CPNE8: variants seen among roughly 807,000 people sequenced by gnomAD.
CPNE8 encodes copine-8.
Under a neutral mutation model 81.5 loss-of-function variants are expected in CPNE8, and 45 were observed. The observed-to-expected ratio is 0.55, with a 90% CI of 0.44 to 0.71. The LOEUF (loss-of-function observed/expected upper bound fraction) is 0.71, where lower values mean the gene tolerates loss of function less well. Among genes scored for constraint, CPNE8 ranks in the 30% least tolerant of loss-of-function variants. The pLI, the probability that CPNE8 is intolerant of heterozygous loss-of-function variation, is 0.00. For synonymous variants in CPNE8, 252 were observed against 226.3 expected (o/e 1.11, Z -1.02); for missense variants, 594 against 672.1 (o/e 0.88, Z 1.28).
At chr12:38,655,894 C>A (rs571996478) in intron 19 of CPNE8, among the ~76,000 whole-genome samples, 1 of 151,250 alleles carries the variant, frequency 6.6e-6, no homozygotes, top group African/African-American at 2.4e-5. Flanking sequence ...AAACTCAGAG[C>A]AGTTTTTAGA....
intron 6 of CPNE8, among the ~76,000 whole-genome samples, chr12:38,799,508 G>A (rs963969159): frequency 6.6e-6 from 1 of 152,076 alleles, no homozygotes; most frequent in Non-Finnish European, 1.5e-5. Context: ...CGAGAACAAA[G>A]ACACAACATA....
intron 3 of CPNE8, among the ~76,000 whole-genome samples, chr12:38,866,031 C>T (rs1943908029): frequency 6.6e-6 from 1 of 152,184 alleles, no homozygotes; most frequent in South Asian, 2.1e-4. Context: ...GTCTGCAGAT[C>T]TCTTTCCAAA....
In CPNE8 at chr12:38,865,785, A is replaced by G. The variant is rs118113386; in HGVS notation, c.186+7219T>C. ...ATATTAAAAATGGGACAGAAAAAAT[A>G]ATTTAAGAGATCAAAATATTCTGGA... On this transcript the variant is annotated intron_variant, in intron 3 of 19. Coordinates refer to ENST00000331366, the MANE Select transcript of CPNE8 (RefSeq NM_153634.3). 4.3e-4 allele frequency among the ~76,000 whole-genome samples: 65 copies of G among 152,310 alleles called. No homozygotes were observed. In the East Asian group the frequency reaches 0.012, roughly 28 times the overall value.
chr12:38,714,104 A>G (rs1045475287), intron 13 of CPNE8, among the ~76,000 whole-genome samples: 1 of 152,152 alleles, frequency 6.6e-6, no homozygotes, highest in African/African-American at 2.4e-5. Flanking sequence ...CAGAAGAACC[A>G]AATTGAAATT....
chr12:38,799,805 G>T (rs376655285), intron 6 of CPNE8, among the ~76,000 whole-genome samples: 1 of 142,248 alleles, frequency 7.0e-6, no homozygotes, highest in Non-Finnish European at 1.6e-5. Flanking sequence ...TGCGCGCACC[G>T]TGCGCGAGCC....
chr12:38,693,576 C>CA lies in CPNE8; in HGVS notation c.1143+80_1143+81insT, dbSNP rs1306032656. On this transcript the variant is annotated intron_variant, in intron 15 of 19. Coordinates refer to ENST00000331366, the MANE Select transcript of CPNE8 (RefSeq NM_153634.3). Reference sequence around the variant, plus strand: ...TCAGTAAAGCTTGCTACTTGACTGACTAAAGAATAAGTACCAAAGCAATAT... The same window carrying CA: ...TCAGTAAAGCTTGCTACTTGACTGACATAAAGAATAAGTACCAAAGCAATAT... 3 of 1,253,790 alleles carry CA rather than the reference C, an allele frequency of 2.4e-6. No homozygotes were observed. In the African/African-American group the frequency reaches 4.5e-5, roughly 19 times the overall value. 77.7% of individuals were successfully genotyped at this position (1,253,790 alleles called of 1,614,324 possible).
At chr12:38,688,584 G>A (rs1252184220) in intron 15 of CPNE8, among the ~76,000 whole-genome samples, 1 of 138,928 alleles carries the variant, frequency 7.2e-6, no homozygotes, top group African/African-American at 2.8e-5. Flanking sequence ...CCAATAAGTG[G>A]ATAAAGAAAA....
chr12:38,884,390 T>C (rs1398677771), intron 1 of CPNE8, among the ~76,000 whole-genome samples: 1 of 152,212 alleles, frequency 6.6e-6, no homozygotes, highest in Non-Finnish European at 1.5e-5. Flanking sequence ...TTCCGTTTTA[T>C]TGCCAAATCA....
chr12:38,740,458 C>T (rs1406131134), intron 10 of CPNE8, among the ~76,000 whole-genome samples: 1 of 152,192 alleles, frequency 6.6e-6, no homozygotes, highest in Non-Finnish European at 1.5e-5. Context: ...GAGAGGGCAT[C>T]CCTGTCTTGT....
intron 2 of CPNE8, 109 bp from the exon 3 acceptor site, chr12:38,873,159 C>T (rs1009472539): frequency 1.8e-5 from 12 of 658,666 alleles, no homozygotes; most frequent in South Asian, 1.4e-4. Flanking sequence ...AAATTAAATG[C>T]CTAATTCCTA....
intron 14 of CPNE8, among the ~76,000 whole-genome samples, chr12:38,699,685 G>C (rs2387984): frequency 6.6e-6 from 1 of 151,220 alleles, no homozygotes; most frequent in Non-Finnish European, 1.5e-5. Flanking sequence ...TATACTCTAC[G>C]AAGCTTTCTA....
At chr12:38,828,675 G>A (rs1943237985) in intron 6 of CPNE8, among the ~76,000 whole-genome samples, 1 of 152,122 alleles carries the variant, frequency 6.6e-6, no homozygotes, top group Admixed American at 6.5e-5. Flanking sequence ...TGAGATTGTG[G>A]TTAACTCTGC....
intron 13 of CPNE8, among the ~76,000 whole-genome samples, chr12:38,711,460 G>A (rs1260106796): frequency 6.8e-6 from 1 of 146,038 alleles, no homozygotes; most frequent in Non-Finnish European, 1.5e-5. Context: ...AGCTTTCCAA[G>A]TGTAGTTCTT....
chr12:38,894,572 T>G (rs1944358902), intron 1 of CPNE8, among the ~76,000 whole-genome samples: 1 of 151,994 alleles, frequency 6.6e-6, no homozygotes, highest in South Asian at 2.1e-4. Context: ...CGTAGGTAAT[T>G]GAGATGGGTT....
intron 3 of CPNE8, among the ~76,000 whole-genome samples, chr12:38,855,418 A>G (rs1943714752): frequency 6.6e-6 from 1 of 152,118 alleles, no homozygotes; most frequent in Admixed American, 6.6e-5. Context: ...TAGCCAAAGT[A>G]ACCTTGACAA....
At chr12:38,880,544 C>G (rs562729717) in intron 1 of CPNE8, among the ~76,000 whole-genome samples, 1 of 152,244 alleles carries the variant, frequency 6.6e-6, no homozygotes, top group African/African-American at 2.4e-5. Flanking sequence ...CATCACTGAG[C>G]CCCGTGTCAC....
intron 10 of CPNE8, among the ~76,000 whole-genome samples, chr12:38,733,102 A>G: frequency 6.6e-6 from 1 of 152,004 alleles, no homozygotes; most frequent in East Asian, 1.9e-4. Flanking sequence ...TGGAGATAAA[A>G]ATAAAATAGC....
chr12:38,744,129 A>G (rs1021133322), intron 10 of CPNE8, among the ~76,000 whole-genome samples: 6 of 152,220 alleles, frequency 3.9e-5, no homozygotes, highest in Non-Finnish European at 8.8e-5. Context: ...CAGAAGAAAT[A>G]GCCGGTTTTC....
intron 3 of CPNE8, among the ~76,000 whole-genome samples, chr12:38,855,346 A>G (rs1943713831): frequency 6.6e-6 from 1 of 152,064 alleles, no homozygotes; most frequent in Admixed American, 6.6e-5. Context: ...ATTCCAAGTC[A>G]TTTTTCACAG....
Sources: gnomAD v4.1 joint callset for allele counts (sites outside exome capture counted in the v4.1 genomes callset) on GRCh38, gnomAD v4.1.1 for gene constraint, MANE v1.5 for transcripts, NCBI Gene and HGNC (gene_info 2026-07-23, HGNC 2026-07-21) for gene names.